COL9A1: variants seen among roughly 807,000 people sequenced by gnomAD.
COL9A1 encodes the protein collagen alpha-1(IX) chain.
A neutral mutation model predicts 142.6 loss-of-function variants in COL9A1; 104 were observed. The ratio of observed to expected loss-of-function variants is 0.73; its 90% confidence interval spans 0.62 to 0.86. The LOEUF (loss-of-function observed/expected upper bound fraction) is 0.86. Among genes scored for constraint, COL9A1 ranks in the 40% least tolerant of loss-of-function variants. COL9A1 has a pLI of 0.00. For missense variants in COL9A1, 1,210 were observed against 1,176.6 expected, an observed-to-expected ratio of 1.03 and a Z score of -0.42; for synonymous variants, 466 against 396.0, an observed-to-expected ratio of 1.18 and a Z score of -2.10.
chr6:70,218,416 T>C (rs916121745), intron 37 of COL9A1, among the ~76,000 whole-genome samples: 1 of 152,168 alleles, frequency 6.6e-6, no homozygotes, highest in Non-Finnish European at 1.5e-5. Flanking sequence ...CAGCACCCCA[T>C]AACAAAGAGG....
intron 20 of COL9A1, among the ~76,000 whole-genome samples, chr6:70,257,943 A>C (rs1053546729): frequency 6.6e-6 from 1 of 152,222 alleles, no homozygotes; most frequent in Admixed American, 6.5e-5. Context: ...ACCCTCTTCC[A>C]TCCTGGACAG....
intron 4 of COL9A1, among the ~76,000 whole-genome samples, 199 bp from the exon 5 acceptor site, chr6:70,294,762 C>T (rs1303609234): frequency 2.6e-5 from 4 of 152,046 alleles, no homozygotes; most frequent in South Asian, 2.1e-4. Context: ...ATTCATGGTC[C>T]GTCTTAAATT....
At chr6:70,231,934 T>G (rs1769574643) in intron 36 of COL9A1, among the ~76,000 whole-genome samples, 1 of 152,104 alleles carries the variant, frequency 6.6e-6, no homozygotes, top group Non-Finnish European at 1.5e-5. Context: ...TCCTGCTGAG[T>G]ACCTAACACA....
chr6:70,220,434 T>A (rs1768810921), intron 37 of COL9A1, among the ~76,000 whole-genome samples: 2 of 151,530 alleles, frequency 1.3e-5, no homozygotes, highest in Non-Finnish European at 2.9e-5. Context: ...TTTTTTTAAT[T>A]CCTTGGGCCT....
chr6:70,268,935 G>GT, intron 16 of COL9A1, 75 bp from the exon 17 acceptor site: 2 of 1,312,102 alleles, frequency 1.5e-6, no homozygotes, highest in Non-Finnish European at 2.2e-6. Flanking sequence ...CTTTGTGACA[G>GT]TATCTTTTTT....
rs944729344 is a variant in COL9A1, at chr6:70,271,952, T to C, written c.1089+113A>G. The C allele has an allele frequency of 5.4e-6, 6 of 1,112,898 alleles. No homozygotes were observed. The African/African-American group carries it at 9.4e-5, about 17-fold the overall frequency. The allele number at this position is 1,112,898 out of a possible 1,614,324, so 68.9% of individuals were successfully genotyped here. On this transcript the variant is annotated intron_variant, in intron 13 of 37. Transcript: ENST00000357250. ...TAGTAGCCACCTAAGATCTTGCAGG[T>C]AGAACACTGTAAACACCACTGAGTA...
At chr6:70,298,371 A>T (rs1056981758) in intron 4 of COL9A1, among the ~76,000 whole-genome samples, 1 of 152,190 alleles carries the variant, frequency 6.6e-6, no homozygotes, top group South Asian at 2.1e-4. Flanking sequence ...TCCCAAGAAT[A>T]AACTTTACTG....
At chr6:70,286,865 G>A (rs768369632) in intron 5 of COL9A1, among the ~76,000 whole-genome samples, 9 of 152,228 alleles carry the variant, frequency 5.9e-5, no homozygotes, top group Non-Finnish European at 1.2e-4. Context: ...GGAGAAAGCA[G>A]TAAACTTGGA....
chr6:70,269,588 G>A (rs763818937), intron 16 of COL9A1, 45 bp downstream of exon 16: 1 of 1,307,228 alleles, frequency 7.6e-7, no homozygotes, highest in Non-Finnish European at 1.1e-6. Flanking sequence ...AGGCTATATG[G>A]TCTTTGAATT....
At position 70,234,802 on chromosome 6, in the gene COL9A1, C is replaced by T; in HGVS notation, c.2251G>A (p.Gly751Ser). The change falls in exon 34 of 38, where the codon GGC (glycine) becomes AGC (serine). Residue 751 changes from glycine to serine, a missense_variant. Transcript: ENST00000357250. ...QGATGLPGVQ[G>S]PPGRAPTDQH... ...AGCTGCCCACCACTCACCGGAGGGCCCTGGACACCAGGCAGGCCGGTGGCA... is the reference window on the plus strand; with the variant it reads ...AGCTGCCCACCACTCACCGGAGGGCTCTGGACACCAGGCAGGCCGGTGGCA... The T allele has an allele frequency of 6.2e-7, 1 of 1,614,056 alleles. No homozygotes were observed. Among genetic ancestry groups the T allele is most frequent in the Non-Finnish European group, 8.5e-7 (1 of 1,180,020 alleles).
At chr6:70,272,109 T>G in intron 12 of COL9A1, 21 bp from the exon 13 acceptor site, 1 of 1,606,034 alleles carries the variant, frequency 6.2e-7, no homozygotes, top group Non-Finnish European at 8.5e-7. Flanking sequence ...ACAATAAAAA[T>G]GGTTATAGCT....
chr6:70,223,977 GCAACGATTT>G (rs1304604962), intron 37 of COL9A1, among the ~76,000 whole-genome samples: 5 of 152,164 alleles, frequency 3.3e-5, no homozygotes, highest in Non-Finnish European at 7.4e-5. Flanking sequence ...TCAGAGGAGG[GCAACGATTT>G]TGGAGGTGAT....
intron 34 of COL9A1, 30 bp downstream of exon 34, chr6:70,234,764 G>A: frequency 2.5e-6 from 4 of 1,613,960 alleles, no homozygotes; most frequent in Non-Finnish European, 3.4e-6. Flanking sequence ...AGTCTCCAAA[G>A]GGAAACCACA....
At chr6:70,226,751 T>C (rs1477629787) in intron 36 of COL9A1, among the ~76,000 whole-genome samples, 1 of 152,048 alleles carries the variant, frequency 6.6e-6, no homozygotes. Context: ...ATAGAAATGA[T>C]ATCATCATAA....
intron 19 of COL9A1, chr6:70,260,928 CA>C: frequency 2.1e-6 from 1 of 474,508 alleles, no homozygotes; most frequent in Non-Finnish European, 3.7e-6. Flanking sequence ...AAGTCTTACA[CA>C]AAACTGGAGT....
At chr6:70,283,100 C>T (rs564783870) in intron 6 of COL9A1, 182 bp from the exon 7 acceptor site, 2 of 1,531,286 alleles carry the variant, frequency 1.3e-6, no homozygotes, top group South Asian at 1.2e-5. Context: ...CAGCCTGGTT[C>T]CCCTCTAGGC....
chr6:70,283,644 G>C, intron 6 of COL9A1, 93 bp downstream of exon 6: 4 of 879,104 alleles, frequency 4.6e-6, no homozygotes, highest in Middle Eastern at 4.3e-4. Context: ...GTGGGGAGGA[G>C]GGGTGCTGGG....
chr6:70,286,086 A>C (rs1157738005), intron 5 of COL9A1, among the ~76,000 whole-genome samples: 1 of 152,040 alleles, frequency 6.6e-6, no homozygotes, highest in African/African-American at 2.4e-5. Flanking sequence ...ACGGGATTTC[A>C]CCATGTTGGC....
rs373398023 is a variant in COL9A1 at position 70,216,808 on chromosome 6, C to T, written c.*89G>A. The stretch of plus-strand genomic sequence containing the variant: ...ACATTGTAATCATGCTGAAGGTAAT[C>T]ATCTTTGCCCCAGCTTTGGATGGTG... On this transcript the variant is annotated 3_prime_UTR_variant, in exon 38 of 38. Coordinates refer to ENST00000357250, the MANE Select transcript of COL9A1 (RefSeq NM_001851.6). 1 of 1,353,592 alleles carries T rather than the reference C, an allele frequency of 7.4e-7. No homozygotes were observed. Among genetic ancestry groups the T allele is most frequent in the South Asian group, 1.2e-5 (1 of 82,708 alleles). The allele number at this position is 1,353,592 out of a possible 1,614,324, so 83.8% of individuals were successfully genotyped here. A position where few individuals can be genotyped will look rare whatever the true frequency, so the allele number is the denominator to read the frequency against.
Sources: allele counts gnomAD v4.1 joint callset (sites outside exome capture counted in the v4.1 genomes callset), GRCh38; gene constraint gnomAD v4.1.1; transcripts MANE v1.5; gene names NCBI Gene and HGNC (gene_info 2026-07-23, HGNC 2026-07-21).